SLC17A8: variants seen among roughly 807,000 people sequenced by gnomAD.
The protein encoded by SLC17A8 is vesicular glutamate transporter 3.
Under a neutral mutation model 58.0 loss-of-function variants are expected in SLC17A8, and 31 were observed. That is an observed-to-expected ratio of 0.53 (90% CI 0.40 to 0.72). The LOEUF is 0.72. Ranked by LOEUF, SLC17A8 falls within the 30% of genes least tolerant of loss-of-function variation. SLC17A8 has a pLI of 0.00. For synonymous variants in SLC17A8, 228 were observed against 249.0 expected, an observed-to-expected ratio of 0.92 and a Z score of 0.79; for missense variants, 655 against 727.8, an observed-to-expected ratio of 0.90 and a Z score of 1.15.
chr12:100,372,110 A>T (rs947646747), intron 1 of SLC17A8, among the ~76,000 whole-genome samples: 1 of 152,150 alleles, frequency 6.6e-6, no homozygotes, highest in Non-Finnish European at 1.5e-5. Context: ...TCAGAGGGCA[A>T]ATTTGAATGC....
At chr12:100,401,199 A>T (rs1452466282) in intron 5 of SLC17A8, among the ~76,000 whole-genome samples, 1 of 151,542 alleles carries the variant, frequency 6.6e-6, no homozygotes, top group African/African-American at 2.4e-5. Context: ...GGGTTTTGCT[A>T]TGTTGACCAG....
chr12:100,371,007 G>T (rs1952555397), intron 1 of SLC17A8, among the ~76,000 whole-genome samples: 2 of 152,146 alleles, frequency 1.3e-5, no homozygotes, highest in Non-Finnish European at 2.9e-5. Flanking sequence ...CATTGACTGG[G>T]CTGGCGTTGG....
chr12:100,412,593 A>T (rs1038240729), intron 9 of SLC17A8, among the ~76,000 whole-genome samples, 177 bp from the exon 10 acceptor site: 4 of 126,190 alleles, frequency 3.2e-5, no homozygotes, highest in Admixed American at 1.6e-4. Flanking sequence ...AAGTAAAGTT[A>T]AAAAAAAAAA....
At position 100,405,080 on chromosome 12, in the gene SLC17A8, C is replaced by T. The variant is rs111533510; in HGVS notation, c.1186+910C>T. 3.0e-3 allele frequency among the ~76,000 whole-genome samples: 462 copies of T among 152,322 alleles called. 2 individuals carry two copies. Among genetic ancestry groups the T allele is most frequent in the Non-Finnish European group, 5.6e-3 (382 of 68,030 alleles). On this transcript the variant is annotated intron_variant, in intron 9 of 11. Transcript: ENST00000323346. ...GGCACATTTAGAAGTGAAGACTATA[C>T]CGAGGGACACAGGAGCAGGCATGAT...
intron 2 of SLC17A8, among the ~76,000 whole-genome samples, chr12:100,389,789 C>T (rs1223649211): frequency 1.4e-5 from 2 of 138,940 alleles, no homozygotes; most frequent in East Asian, 4.3e-4. Flanking sequence ...CACACCACCA[C>T]ACCTGGCTAG....
intron 1 of SLC17A8, among the ~76,000 whole-genome samples, chr12:100,379,993 G>A (rs555195575): frequency 6.6e-6 from 1 of 152,032 alleles, no homozygotes; most frequent in Non-Finnish European, 1.5e-5. Flanking sequence ...TGAGTCGGGA[G>A]TTTGAGACCA....
rs369572817 is a variant in SLC17A8 at position 100,380,944 on chromosome 12, G to A, written c.345G>A (p.Pro115=). The part of the protein sequence containing the change: ...NNSTVYVDGK[P]EIQTAQFNWD... ...GCACCGTATATGTTGATGGAAAACC[G>A]GAAATTCAGGTTGGTATCAGTCCAT... Residue 115 remains proline (P), a synonymous_variant, in exon 2 of 12, where the codon CCG becomes CCA. Coordinates refer to ENST00000323346, the MANE Select transcript of SLC17A8 (RefSeq NM_139319.3). 20 of 1,614,010 alleles carry A rather than the reference G, an allele frequency of 1.2e-5. No homozygotes were observed. Among genetic ancestry groups the A allele is most frequent in the African/African-American group, 1.1e-4 (8 of 74,994 alleles).
At chr12:100,393,047 G>T (rs1344907028) in intron 3 of SLC17A8, among the ~76,000 whole-genome samples, 4 of 152,160 alleles carry the variant, frequency 2.6e-5, no homozygotes, top group African/African-American at 7.2e-5. Flanking sequence ...AATCAAAGAA[G>T]CCCAAGAGTC....
chr12:100,402,796 TAC>T (rs1399517700), intron 8 of SLC17A8, 51 bp downstream of exon 8: 2 of 1,531,972 alleles, frequency 1.3e-6, no homozygotes, highest in Non-Finnish European at 8.9e-7. Flanking sequence ...CTCTTGATTC[TAC>T]AGAGAATAAC....
chr12:100,394,998 G>A (rs1218023395), intron 4 of SLC17A8, among the ~76,000 whole-genome samples: 5 of 151,712 alleles, frequency 3.3e-5, no homozygotes, highest in African/African-American at 1.2e-4. Flanking sequence ...GGATGTACCC[G>A]TGTAGTGGAA....
At chr12:100,409,448 A>G (rs1040175672) in intron 9 of SLC17A8, among the ~76,000 whole-genome samples, 4 of 152,170 alleles carry the variant, frequency 2.6e-5, no homozygotes, top group Non-Finnish European at 5.9e-5. Flanking sequence ...GTCCTCCCAA[A>G]GAGCTGGAAT....
At chr12:100,412,426 G>A (rs1241626136) in intron 9 of SLC17A8, among the ~76,000 whole-genome samples, 1 of 151,962 alleles carries the variant, frequency 6.6e-6, no homozygotes, top group African/African-American at 2.4e-5. Flanking sequence ...AGGGGGCAAG[G>A]GGAGGGACAG....
In SLC17A8 at chr12:100,420,666, G is replaced by A. The variant is rs73376066; in HGVS notation, c.*507G>A. 487 of 161,666 alleles carry A rather than the reference G, an allele frequency of 3.0e-3. 2 individuals are homozygous for A. Among genetic ancestry groups the A allele is most frequent in the African/African-American group, 0.011 (462 of 41,608 alleles). 10.0% of individuals were successfully genotyped at this position (161,666 alleles called of 1,614,324 possible). ...TTTCTTATCCCCATTTTACAACCAA[G>A]GCATCTAAAGCAACAAGAAATGAAC... On this transcript the variant is annotated 3_prime_UTR_variant, in exon 12 of 12. Transcript: ENST00000323346.
At chr12:100,404,418 C>T (rs1039290250) in intron 9 of SLC17A8, 1 of 491,266 alleles carries the variant, frequency 2.0e-6, no homozygotes, top group Non-Finnish European at 3.7e-6. Context: ...TCTCTGCTTA[C>T]CTTTCTACCT....
intron 9 of SLC17A8, among the ~76,000 whole-genome samples, chr12:100,411,800 C>T (rs1206737038): frequency 6.7e-6 from 1 of 149,342 alleles, no homozygotes; most frequent in Non-Finnish European, 1.5e-5. Context: ...ACAGAAAGTA[C>T]TTTTGTTCTG....
chr12:100,384,354 A>G (rs1489832262), intron 2 of SLC17A8, among the ~76,000 whole-genome samples: 1 of 152,038 alleles, frequency 6.6e-6, no homozygotes, highest in Non-Finnish European at 1.5e-5. Context: ...AATCCCAGCA[A>G]TTTGGGAGGC....
chr12:100,403,135 A>G (rs972267629), intron 8 of SLC17A8, among the ~76,000 whole-genome samples: 5 of 152,176 alleles, frequency 3.3e-5, no homozygotes, highest in African/African-American at 1.2e-4. Context: ...CCCCTTCTCC[A>G]TAATGGTGGC....
chr12:100,379,591 A>T (rs529976864), intron 1 of SLC17A8, among the ~76,000 whole-genome samples: 1 of 149,024 alleles, frequency 6.7e-6, no homozygotes, highest in African/African-American at 2.6e-5. Context: ...AATTATTTTT[A>T]AAAAGACTTG....
At chr12:100,383,413 T>A (rs1952650604) in intron 2 of SLC17A8, among the ~76,000 whole-genome samples, 1 of 152,218 alleles carries the variant, frequency 6.6e-6, no homozygotes, top group Non-Finnish European at 1.5e-5. Flanking sequence ...AGTACAGCTC[T>A]AATTTATAGC....
Sources: allele counts gnomAD v4.1 joint callset (sites outside exome capture counted in the v4.1 genomes callset), GRCh38; gene constraint gnomAD v4.1.1; transcripts MANE v1.5; gene names NCBI Gene and HGNC (gene_info 2026-07-23, HGNC 2026-07-21).